METAP1: variants seen among roughly 807,000 people sequenced by gnomAD.
METAP1 encodes the protein methionyl aminopeptidase 1, also known as methionine aminopeptidase 1.
Under a neutral mutation model 53.8 loss-of-function variants are expected in METAP1, and 28 were observed. That is an observed-to-expected ratio of 0.52 (90% CI 0.39 to 0.71). The LOEUF (loss-of-function observed/expected upper bound fraction) is 0.71. Among genes scored for constraint, METAP1 ranks in the 30% least tolerant of loss-of-function variants. The pLI is 0.00. For synonymous variants in METAP1, 181 were observed against 165.7 expected (o/e 1.09, Z -0.71); for missense variants, 389 against 479.8 (o/e 0.81, Z 1.77).
chr4:99,003,068 AAAAC>A (rs34388482), intron 1 of METAP1, among the ~76,000 whole-genome samples: 5 of 151,642 alleles, frequency 3.3e-5, no homozygotes, highest in Admixed American at 1.3e-4. Flanking sequence ...GACTGTCTCA[AAAAC>A]AAACAAACAA....
At chr4:99,010,584 G>A (rs1416296232) in intron 1 of METAP1, among the ~76,000 whole-genome samples, 1 of 152,138 alleles carries the variant, frequency 6.6e-6, no homozygotes, top group African/African-American at 2.4e-5. Context: ...CTGTAGCTCT[G>A]GTATGTTTTG....
chr4:99,061,217 C>G lies in METAP1; in HGVS notation c.1061C>G (p.Ser354Cys), dbSNP rs1727526039. Residue 354 changes from serine (S) to cysteine (C), a missense_variant, in exon 11 of 11, where the codon TCT (serine) becomes TGT (cysteine). Physicochemically the swap from Ser to Cys is moderately radical, Grantham distance 112. Transcript: ENST00000296411. Reference sequence around the variant, plus strand: ...GCGGTGACAAGAGACGGAAAGCGGTCTGCTCAGTTTGAGCACACCCTCCTG... The same window carrying G: ...GCGGTGACAAGAGACGGAAAGCGGTGTGCTCAGTTTGAGCACACCCTCCTG... Reference protein sequence around the residue: ...WTAVTRDGKRSAQFEHTLLVT... With the variant: ...WTAVTRDGKRCAQFEHTLLVT... The G allele has an allele frequency of 1.9e-6, 3 of 1,613,852 alleles. No individual in the cohort carries two copies. Among genetic ancestry groups the G allele is most frequent in the Non-Finnish European group, 2.5e-6 (3 of 1,179,868 alleles).
intron 1 of METAP1, among the ~76,000 whole-genome samples, chr4:99,017,169 C>T (rs375443693): frequency 1.6e-4 from 25 of 152,308 alleles, no homozygotes; most frequent in African/African-American, 5.5e-4. Context: ...CTCCTGGTAG[C>T]TGGAGATTAT....
chr4:99,023,686 T>C, intron 1 of METAP1: 1 of 985,340 alleles, frequency 1.0e-6, no homozygotes. Context: ...TGAGAGAGGT[T>C]CAAGATGGGG....
chr4:99,048,528 C>T lies in METAP1; in HGVS notation c.788-205C>T, dbSNP rs149870130. ...GGGACTATAGGCATGCACCACTATG[C>T]GGGACTAATTTTCATATTTTTTGCA... is the stretch of plus-strand genomic sequence containing the variant. On this transcript the variant is annotated intron_variant, in intron 8 of 10. Coordinates refer to ENST00000296411, the MANE Select transcript of METAP1 (RefSeq NM_015143.3). Among the ~76,000 whole-genome samples the T allele has an allele frequency of 6.0e-3, 906 of 152,224 alleles. 7 individuals are homozygous for T. Among genetic ancestry groups the T allele is most frequent in the Non-Finnish European group, 8.9e-3 (608 of 68,008 alleles).
intron 2 of METAP1, 49 bp downstream of exon 2, chr4:99,028,967 T>C: frequency 7.8e-7 from 1 of 1,285,898 alleles, no homozygotes; most frequent in African/African-American, 1.5e-5. Flanking sequence ...AAGTGGCATT[T>C]GTGCCAGAAA....
At chr4:99,032,149 C>G (rs928230417) in intron 2 of METAP1, among the ~76,000 whole-genome samples, 4 of 151,898 alleles carry the variant, frequency 2.6e-5, no homozygotes, top group African/African-American at 9.7e-5. Context: ...GGAGAACTTG[C>G]CATATTCAAC....
chr4:99,047,757 G>T (rs1250641683), intron 8 of METAP1, among the ~76,000 whole-genome samples: 1 of 152,176 alleles, frequency 6.6e-6, no homozygotes, highest in East Asian at 1.9e-4. Context: ...ACAGTGCCCA[G>T]CTCCTGGGTC....
chr4:99,010,462 A>C (rs1041407027), intron 1 of METAP1, among the ~76,000 whole-genome samples: 8 of 152,174 alleles, frequency 5.3e-5, no homozygotes, highest in African/African-American at 1.9e-4. Context: ...TCTTTAAAAA[A>C]CAAAAACCTC....
intron 1 of METAP1, among the ~76,000 whole-genome samples, chr4:99,004,391 A>G (rs755979605): frequency 4.6e-5 from 7 of 151,956 alleles, no homozygotes; most frequent in Non-Finnish European, 1.0e-4. Flanking sequence ...ACCCAACACT[A>G]TAACGAGACT....
intron 9 of METAP1, among the ~76,000 whole-genome samples, chr4:99,055,759 C>T (rs935120714): frequency 2.0e-4 from 30 of 152,298 alleles, no homozygotes; most frequent in African/African-American, 5.8e-4. Context: ...CTGTTCTGGA[C>T]GGCAGAGTTC....
At chr4:99,053,285 G>C (rs1407154710) in intron 9 of METAP1, among the ~76,000 whole-genome samples, 1 of 152,174 alleles carries the variant, frequency 6.6e-6, no homozygotes, top group Non-Finnish European at 1.5e-5. Context: ...GTCTCACTCT[G>C]GTTGCCCAGG....
chr4:99,026,098 C>T lies in METAP1; in HGVS notation c.115-2769C>T, dbSNP rs1012542580. On this transcript the variant is annotated intron_variant, in intron 1 of 10. Transcript: ENST00000296411. ...AACTGTACCCTGGCCACCTTGGGCACATGTTGTCAGTACTCCCTGAGGCTG... is the reference window on the plus strand; with the variant it reads ...AACTGTACCCTGGCCACCTTGGGCATATGTTGTCAGTACTCCCTGAGGCTG... 30 of 335,966 alleles carry T rather than the reference C, an allele frequency of 8.9e-5. No homozygotes were observed. In the Admixed American group the frequency reaches 9.7e-4, roughly 11 times the overall value. 20.8% of individuals were successfully genotyped at this position (335,966 alleles called of 1,614,324 possible). A position where few individuals can be genotyped will look rare whatever the true frequency, so the allele number is the denominator to read the frequency against.
chr4:99,028,780 C>A (rs895479998), intron 1 of METAP1, 87 bp from the exon 2 acceptor site: 30 of 968,994 alleles, frequency 3.1e-5, no homozygotes, highest in Non-Finnish European at 6.0e-6. Context: ...AAATAGTTTA[C>A]AATAACTCTT....
At chr4:99,041,423 A>G (rs992108731) in intron 6 of METAP1, among the ~76,000 whole-genome samples, 21 of 152,104 alleles carry the variant, frequency 1.4e-4, no homozygotes, top group African/African-American at 4.8e-4. Context: ...ATCTGCTTTA[A>G]GTAAATCCTG....
chr4:99,009,689 GTCTTTTGCCC>G (rs2110284747), intron 1 of METAP1, among the ~76,000 whole-genome samples: 1 of 152,212 alleles, frequency 6.6e-6, no homozygotes, highest in Non-Finnish European at 1.5e-5. Context: ...GTCTGCTTAA[GTCTTTTGCCC>G]ATTTTAAAAA....
At chr4:99,024,757 C>T (rs62325185) in intron 1 of METAP1, among the ~76,000 whole-genome samples, 3,762 of 152,304 alleles carry the variant, frequency 0.025, 57 homozygotes, top group Non-Finnish European at 0.035. Flanking sequence ...TTGTTAGTCC[C>T]ACAAAGGCAG....
intron 1 of METAP1, among the ~76,000 whole-genome samples, chr4:99,009,656 G>C (rs894541050): frequency 6.6e-6 from 1 of 152,098 alleles, no homozygotes; most frequent in Non-Finnish European, 1.5e-5. Flanking sequence ...CTGTTGGCTA[G>C]TATATATCAT....
chr4:99,004,494 C>G (rs939575397), intron 1 of METAP1, among the ~76,000 whole-genome samples: 2 of 79,762 alleles, frequency 2.5e-5, no homozygotes, highest in South Asian at 1.3e-3. Flanking sequence ...TACACACACA[C>G]ACACACACAC....
Sources: gnomAD v4.1 joint callset for allele counts (sites outside exome capture counted in the v4.1 genomes callset) on GRCh38, gnomAD v4.1.1 for gene constraint, MANE v1.5 for transcripts, NCBI Gene and HGNC (gene_info 2026-07-23, HGNC 2026-07-21) for gene names.